Variants in HIVEP3 observed in about 807,000 individuals in gnomAD.
HIVEP3 encodes transcription factor HIVEP3.
HIVEP3 carries 49 observed loss-of-function variants against 152.8 expected under a neutral mutation model. The observed-to-expected ratio is 0.32, with a 90% CI of 0.26 to 0.41. HIVEP3 has a LOEUF of 0.41. HIVEP3 is among the 10% of genes least tolerant of loss of function. The probability of loss-of-function intolerance (pLI) is 1.00; values close to 1 mark genes in which losing one functional copy is unlikely to be tolerated. For missense variants in HIVEP3, 2,790 were observed against 3,103.3 expected (o/e 0.90, Z 2.40); for synonymous variants, 1,269 against 1,289.0 (o/e 0.98, Z 0.33).
intron 1 of HIVEP3, among the ~76,000 whole-genome samples, chr1:41,934,962 T>C (rs548580502): frequency 2.0e-5 from 3 of 152,298 alleles, no homozygotes; most frequent in African/African-American, 7.2e-5. Context: ...TGTTCATACA[T>C]GTCACCATTT....
In HIVEP3 at chr1:41,665,051, A is replaced by T. The variant is rs577360497; in HGVS notation, c.-721+35865T>A. Among the ~76,000 whole-genome samples, 146 of 152,130 alleles carry T rather than the reference A, an allele frequency of 9.6e-4. 2 individuals are homozygous for T. Among genetic ancestry groups the T allele is most frequent in the Non-Finnish European group, 6.8e-4 (46 of 67,968 alleles). Reference sequence around the variant, plus strand: ...CCCAGGCCAGGAGTGTCAGCTGGGGAGCCCTCACCTAGCTCCTCCCACAAC... The same window carrying T: ...CCCAGGCCAGGAGTGTCAGCTGGGGTGCCCTCACCTAGCTCCTCCCACAAC... On this transcript the variant is annotated intron_variant, in intron 2 of 8. Coordinates refer to ENST00000372583, the MANE Select transcript of HIVEP3 (RefSeq NM_024503.5).
At chr1:41,967,595 G>A (rs1645206346) in intron 1 of HIVEP3, among the ~76,000 whole-genome samples, 2 of 152,158 alleles carry the variant, frequency 1.3e-5, no homozygotes. Flanking sequence ...CAAAAAGCTA[G>A]AAAGATCTCA....
At chr1:41,708,067 G>A (rs1558197338) in intron 1 of HIVEP3, among the ~76,000 whole-genome samples, 1 of 152,136 alleles carries the variant, frequency 6.6e-6, no homozygotes, top group East Asian at 1.9e-4. Flanking sequence ...TGCCAGGAGG[G>A]GCCATCCCCC....
At chr1:41,829,770 A>T (rs1899087) in intron 1 of HIVEP3, among the ~76,000 whole-genome samples, 45,396 of 151,112 alleles carry the variant, frequency 0.3, 7,363 homozygotes, top group Non-Finnish European at 0.37. Context: ...AGCCTTTTTT[A>T]AAAAAAAATG....
chr1:41,687,310 A>T (rs1311055256), intron 2 of HIVEP3, among the ~76,000 whole-genome samples: 2 of 152,214 alleles, frequency 1.3e-5, no homozygotes, highest in South Asian at 2.1e-4. Context: ...AGCCAAGATG[A>T]CATAACCTGA....
rs1296060209 is a variant in HIVEP3, at chr1:41,579,850, G to C, written c.4948C>G (p.Leu1650Val). ...PGVSTKAALS[L>V]LRSKQKVSKE... ...CTCACTTTCTGCTTAGACCTCAGGA[G>C]GGACAAAGCAGCTTTAGTGGAAACC... Residue 1650 changes from leucine to valine, a missense_variant, in exon 4 of 9, where the codon CTC becomes GTC. By Grantham distance (32) the Leu-to-Val change is conservative. Coordinates refer to ENST00000372583, the MANE Select transcript of HIVEP3 (RefSeq NM_024503.5). 6.2e-7 allele frequency: 1 copy of C among 1,614,172 alleles called. No homozygotes were observed. The highest frequency in any genetic ancestry group is 8.5e-7 in the Non-Finnish European group (1 of 1,180,006).
chr1:41,572,255 G>T (rs2181279), intron 5 of HIVEP3, among the ~76,000 whole-genome samples: 1 of 152,118 alleles, frequency 6.6e-6, no homozygotes, highest in African/African-American at 2.4e-5. Flanking sequence ...TAGCAATGTC[G>T]GCACAGAGAT....
intron 1 of HIVEP3, among the ~76,000 whole-genome samples, chr1:41,931,262 T>C (rs574033589): frequency 1.3e-5 from 2 of 152,242 alleles, no homozygotes; most frequent in South Asian, 2.1e-4. Context: ...TTTAGATCTA[T>C]GATCTTTTTC....
At chr1:41,775,827 G>T (rs912833765) in intron 1 of HIVEP3, among the ~76,000 whole-genome samples, 1 of 152,108 alleles carries the variant, frequency 6.6e-6, no homozygotes, top group Non-Finnish European at 1.5e-5. Flanking sequence ...GAGAGTCCAT[G>T]ATTTCATGGA....
intron 1 of HIVEP3, among the ~76,000 whole-genome samples, chr1:41,782,661 G>T (rs1649114415): frequency 6.6e-6 from 1 of 151,222 alleles, no homozygotes; most frequent in Admixed American, 6.6e-5. Flanking sequence ...GAACCGGGGA[G>T]GTGGAGATTG....
chr1:41,929,002 A>G (rs370048291), intron 1 of HIVEP3, among the ~76,000 whole-genome samples: 1 of 152,164 alleles, frequency 6.6e-6, no homozygotes, highest in African/African-American at 2.4e-5. Context: ...ATATGAAATT[A>G]CTATTTTTCC....
At chr1:41,921,651 G>C (rs1428874033), upstream of HIVEP3, among the ~76,000 whole-genome samples, 1 of 152,108 alleles carries the variant, frequency 6.6e-6, no homozygotes, top group Non-Finnish European at 1.5e-5. Flanking sequence ...TAACTGTACA[G>C]GTTTCCAGAA....
intron 1 of HIVEP3, among the ~76,000 whole-genome samples, chr1:41,841,137 A>G (rs940007354): frequency 3.3e-5 from 5 of 152,092 alleles, no homozygotes; most frequent in African/African-American, 4.8e-5. Flanking sequence ...GTTTCCACCT[A>G]CAAACCCCAC....
At chr1:41,783,311 C>G (rs904782019) in intron 1 of HIVEP3, among the ~76,000 whole-genome samples, 4 of 152,194 alleles carry the variant, frequency 2.6e-5, no homozygotes, top group African/African-American at 9.7e-5. Flanking sequence ...CGTATTCATT[C>G]CCCTAGTGAG....
At chr1:41,824,273 T>C (rs1405151601) in intron 1 of HIVEP3, among the ~76,000 whole-genome samples, 1 of 152,172 alleles carries the variant, frequency 6.6e-6, no homozygotes, top group Non-Finnish European at 1.5e-5. Flanking sequence ...TGGAGATGCA[T>C]ATTGTCTTTC....
intron 1 of HIVEP3, among the ~76,000 whole-genome samples, chr1:41,843,256 A>T (rs1643341613): frequency 1.3e-5 from 2 of 152,260 alleles, no homozygotes; most frequent in Non-Finnish European, 2.9e-5. Context: ...CTTGTTATGA[A>T]TATTCCAAAT....
chr1:41,967,135 CATT>C (rs1325034685), intron 1 of HIVEP3, among the ~76,000 whole-genome samples: 1 of 151,972 alleles, frequency 6.6e-6, no homozygotes, highest in Non-Finnish European at 1.5e-5. Flanking sequence ...AATATTAGAT[CATT>C]GAGACAGAAA....
upstream of HIVEP3, among the ~76,000 whole-genome samples, chr1:41,919,747 C>T (rs1644924851): frequency 1.3e-5 from 2 of 152,158 alleles, no homozygotes; most frequent in African/African-American, 4.8e-5. Context: ...AATTATTCTT[C>T]GAGTACTTCA....
chr1:41,935,933 C>T (rs574095048), intron 1 of HIVEP3, among the ~76,000 whole-genome samples: 2 of 151,856 alleles, frequency 1.3e-5, no homozygotes, highest in Non-Finnish European at 2.9e-5. Flanking sequence ...TGAACAGCTA[C>T]CACTAAATCT....
Sources: gnomAD v4.1 joint callset for allele counts (sites outside exome capture counted in the v4.1 genomes callset) on GRCh38, gnomAD v4.1.1 for gene constraint, MANE v1.5 for transcripts, NCBI Gene and HGNC (gene_info 2026-07-23, HGNC 2026-07-21) for gene names.